TTC28: variants seen among roughly 807,000 people sequenced by gnomAD.
TTC28 encodes tetratricopeptide repeat protein 28.
Under a neutral mutation model 198.0 loss-of-function variants are expected in TTC28, and 61 were observed. The ratio of observed to expected loss-of-function variants is 0.31; its 90% CI spans 0.25 to 0.38. The LOEUF (loss-of-function observed/expected upper bound fraction) is 0.38, where lower values mean the gene tolerates loss of function less well. Among genes scored for constraint, TTC28 ranks in the 10% least tolerant of loss-of-function variants. The probability of loss-of-function intolerance (pLI) is 1.00; values close to 1 mark genes in which losing one functional copy is unlikely to be tolerated. For missense variants in TTC28, 2,678 were observed against 3,164.0 expected (o/e 0.85, Z 3.69); for synonymous variants, 1,171 against 1,297.8 (o/e 0.90, Z 2.10).
intron 17 of TTC28, 52 bp downstream of exon 17, chr22:27,996,083 C>T (rs1025304421): frequency 3.3e-6 from 5 of 1,520,244 alleles, no homozygotes; most frequent in East Asian, 2.5e-5. Context: ...CCTTCCCCTT[C>T]TCTCACAGCA....
intron 1 of TTC28, among the ~76,000 whole-genome samples, chr22:28,651,769 T>C (rs953684345): frequency 6.6e-6 from 1 of 152,154 alleles, no homozygotes; most frequent in South Asian, 2.1e-4. Flanking sequence ...CCCTTAATTA[T>C]ACATTTTAAG....
At chr22:28,222,084 T>C (rs531083548) in intron 5 of TTC28, among the ~76,000 whole-genome samples, 2 of 152,316 alleles carry the variant, frequency 1.3e-5, no homozygotes, top group South Asian at 4.1e-4. Flanking sequence ...CACCCACTTC[T>C]TGCAATATTG....
chr22:28,163,694 G>C, intron 5 of TTC28, 95 bp from the exon 6 acceptor site: 1 of 1,329,398 alleles, frequency 7.5e-7, no homozygotes, highest in Admixed American at 2.7e-5. Flanking sequence ...CAAGATGGCC[G>C]AATAGGAACA....
At position 28,170,547 on chromosome 22, in the gene TTC28, C is replaced by T. The variant is rs539549655; in HGVS notation, c.934-6948G>A. ...ATTAATTACTACATATAACAGACCA[C>T]AGGAAATTCACAGGAGAAATCCATG... On this transcript the variant is annotated intron_variant, in intron 5 of 22. Coordinates refer to ENST00000397906, the MANE Select transcript of TTC28 (RefSeq NM_001145418.2). 3.3e-5 allele frequency among the ~76,000 whole-genome samples: 5 copies of T among 151,958 alleles called. No homozygotes were observed. In the South Asian group the frequency reaches 1.0e-3, roughly 32 times the overall value.
At chr22:28,417,088 G>A (rs2047177497) in intron 2 of TTC28, among the ~76,000 whole-genome samples, 1 of 151,700 alleles carries the variant, frequency 6.6e-6, no homozygotes, top group Non-Finnish European at 1.5e-5. Context: ...TGGACCTTAG[G>A]AAAAATAATA....
intron 2 of TTC28, among the ~76,000 whole-genome samples, chr22:28,361,319 T>C (rs913535776): frequency 6.6e-6 from 1 of 152,198 alleles, no homozygotes; most frequent in Non-Finnish European, 1.5e-5. Flanking sequence ...TTAAAAGTGC[T>C]ACTCTGGTGA....
intron 2 of TTC28, among the ~76,000 whole-genome samples, chr22:28,368,426 C>T (rs1183126254): frequency 6.6e-6 from 1 of 152,004 alleles, no homozygotes; most frequent in Non-Finnish European, 1.5e-5. Context: ...ATGACAGACC[C>T]ACAACTAGTA....
intron 2 of TTC28, among the ~76,000 whole-genome samples, chr22:28,449,555 A>G (rs1345388865): frequency 6.6e-6 from 1 of 152,246 alleles, no homozygotes; most frequent in Non-Finnish European, 1.5e-5. Flanking sequence ...CAAATTCCCA[A>G]TGTATCATGG....
At chr22:28,397,139 A>C (rs1381509940) in intron 2 of TTC28, among the ~76,000 whole-genome samples, 1 of 152,228 alleles carries the variant, frequency 6.6e-6, no homozygotes, top group Non-Finnish European at 1.5e-5. Flanking sequence ...ATAAAGTTAA[A>C]AAGAAAAAAA....
At chr22:28,443,982 A>C (rs1348126182) in intron 2 of TTC28, among the ~76,000 whole-genome samples, 1 of 152,254 alleles carries the variant, frequency 6.6e-6, no homozygotes, top group African/African-American at 2.4e-5. Context: ...ATTTTAATCA[A>C]GAATTTTACC....
chr22:28,346,689 A>T (rs2045907434), intron 2 of TTC28, among the ~76,000 whole-genome samples: 1 of 152,190 alleles, frequency 6.6e-6, no homozygotes, highest in South Asian at 2.1e-4. Flanking sequence ...ATAGATCTCC[A>T]ATCTCTGTAA....
At chr22:28,001,739 C>T (rs538138827) in intron 14 of TTC28, 186 bp from the exon 15 acceptor site, 112 of 644,294 alleles carry the variant, frequency 1.7e-4, no homozygotes, top group African/African-American at 1.7e-3. Flanking sequence ...CTGGCATGCT[C>T]GCTTGTGGAC....
Position 28,629,569 on chromosome 22 carries a change from T to G in TTC28, c.364A>C (p.Asn122His). The change falls in exon 2 of 23, where the codon AAT becomes CAT. Residue 122 changes from asparagine (N) to histidine (H), a missense_variant. Asn to His is a moderately conservative substitution (Grantham distance 68, BLOSUM62 1). This residue lies in a region of TTC28 where 176 missense variants were observed against 197.9 expected (regional missense o/e 0.89). Coordinates refer to ENST00000397906, the MANE Select transcript of TTC28 (RefSeq NM_001145418.2). ...LDDAIKARLL[N>H]PKWPKAYFRQ... ...ATTTCTACCTTTGGCCACTTGGGAT[T>G]GAGAAGTCGAGCTTTGATTGCATCA... 2.6e-6 allele frequency: 4 copies of G among 1,550,534 alleles called. No homozygotes were observed. Among genetic ancestry groups the G allele is most frequent in the Non-Finnish European group, 2.6e-6 (3 of 1,146,424 alleles).
chr22:28,632,324 A>G (rs2051189165), intron 1 of TTC28, among the ~76,000 whole-genome samples: 1 of 122,014 alleles, frequency 8.2e-6, no homozygotes, highest in African/African-American at 3.1e-5. Context: ...CTGGAGTGCA[A>G]TGGCATGATC....
intron 12 of TTC28, among the ~76,000 whole-genome samples, chr22:28,087,082 A>C (rs1430587254): frequency 6.6e-6 from 1 of 152,206 alleles, no homozygotes; most frequent in Non-Finnish European, 1.5e-5. Flanking sequence ...TACCAGAGAT[A>C]CAAGGAGGAA....
intron 2 of TTC28, among the ~76,000 whole-genome samples, chr22:28,575,094 ATTTG>A (rs2146037525): frequency 6.6e-6 from 1 of 152,172 alleles, no homozygotes; most frequent in Non-Finnish European, 1.5e-5. Context: ...CTGAAGAAAT[ATTTG>A]CCCACTCCAA....
At chr22:28,410,762 C>T (rs554023857) in intron 2 of TTC28, among the ~76,000 whole-genome samples, 2 of 152,174 alleles carry the variant, frequency 1.3e-5, no homozygotes, top group East Asian at 3.9e-4. Context: ...ATTTAGAATA[C>T]ATTTGTGAGG....
rs55857140 is a variant in TTC28, at chr22:28,241,877, T to C, written c.933+54321A>G. Among the ~76,000 whole-genome samples the C allele has an allele frequency of 8.1e-3, 1,230 of 152,228 alleles. 20 individuals carry two copies. Among genetic ancestry groups the C allele is most frequent in the African/African-American group, 0.028 (1,171 of 41,540 alleles). ...AGGGAAATAAAATAAGGAATTAGGA[T>C]GTGTTTTGTGGTTATACACTAAAAA... On this transcript the variant is annotated intron_variant, in intron 5 of 22. Coordinates refer to ENST00000397906, the MANE Select transcript of TTC28 (RefSeq NM_001145418.2).
chr22:28,096,122 C>T, intron 11 of TTC28, 68 bp downstream of exon 11: 1 of 1,459,046 alleles, frequency 6.9e-7, no homozygotes, highest in Non-Finnish European at 9.1e-7. Context: ...ACCTATTCCA[C>T]CTCTATTCAT....
Sources: allele counts gnomAD v4.1 joint callset (sites outside exome capture counted in the v4.1 genomes callset), GRCh38; gene constraint gnomAD v4.1.1; regional missense constraint gnomAD v4.1.1; transcripts MANE v1.5; gene names NCBI Gene and HGNC (gene_info 2026-07-23, HGNC 2026-07-21).